The following TIMM13 variants were observed in gnomAD, a reference collection of about 807,000 sequenced individuals.
The protein encoded by TIMM13 is mitochondrial import inner membrane translocase subunit Tim13.
TIMM13 carries 8 observed loss-of-function variants against 10.9 expected under a neutral mutation model. That is an observed-to-expected ratio of 0.73 (90% confidence interval 0.43 to 1.32). TIMM13 has a LOEUF of 1.32. Ranked by LOEUF, TIMM13 falls within the 40% of genes most tolerant of loss-of-function variation. TIMM13 has a pLI of 0.01. For synonymous variants in TIMM13, 68 were observed against 52.5 expected (o/e 1.30, Z -1.28); for missense variants, 147 against 132.8 (o/e 1.11, Z -0.53).
rs576048468 is a variant in TIMM13, at chr19:2,425,752, C to T, written c.*1196G>A. 6.0e-6 allele frequency: 7 copies of T among 1,161,904 alleles called. No individual in the cohort carries two copies. The South Asian group carries it at 1.0e-4, about 17-fold the overall frequency. The allele number at this position is 1,161,904 out of a possible 1,614,324, so 72.0% of individuals were successfully genotyped here. A position where few individuals can be genotyped will look rare whatever the true frequency, so the allele number is the denominator to read the frequency against. ...GGGAGGCACCGTTCCACTCCGGGAC[C>T]ACGTGGCGGGTGTCCATAAATGTCT... On this transcript the variant is annotated 3_prime_UTR_variant, in exon 3 of 3. Transcript: ENST00000215570.
rs1226603254 is a variant in TIMM13 at position 2,425,821 on chromosome 19, G to A, written c.*1127C>T. 8 of 1,422,848 alleles carry A rather than the reference G, an allele frequency of 5.6e-6. No homozygotes were observed. In the African/African-American group the frequency reaches 7.3e-5, roughly 13 times the overall value. 88.1% of individuals were successfully genotyped at this position (1,422,848 alleles called of 1,614,324 possible). On this transcript the variant is annotated 3_prime_UTR_variant, in exon 3 of 3. Coordinates refer to ENST00000215570, the MANE Select transcript of TIMM13 (RefSeq NM_012458.4). Reference sequence around the variant, plus strand: ...CCATTTTCCAGATAGTGAAAATGCGGCTCCCAGGGGAAGTCACTAGGGTCA... The same window carrying A: ...CCATTTTCCAGATAGTGAAAATGCGACTCCCAGGGGAAGTCACTAGGGTCA...
chr19:2,425,854 A>AG lies in TIMM13; in HGVS notation c.*1093dup. On this transcript the variant is annotated 3_prime_UTR_variant, in exon 3 of 3. Transcript: ENST00000215570. Reference sequence around the variant, plus strand: ...GGGAAGTCACTAGGGTCACTCCTAGAGGGGCCAATGACCCAAGGGCTGCTG... The same window carrying AG: ...GGGAAGTCACTAGGGTCACTCCTAGAGGGGGCCAATGACCCAAGGGCTGCTG... 6.6e-7 allele frequency: 1 copy of AG among 1,504,698 alleles called. No individual in the cohort carries two copies. The highest frequency in any genetic ancestry group is 8.8e-7 in the Non-Finnish European group (1 of 1,132,422). The allele number at this position is 1,504,698 out of a possible 1,614,324, so 93.2% of individuals were successfully genotyped here.
intron 2 of TIMM13, 104 bp downstream of exon 2, chr19:2,427,152 T>G: frequency 6.4e-7 from 1 of 1,569,082 alleles, no homozygotes; most frequent in Non-Finnish European, 8.7e-7. Context: ...GCACGTGCAG[T>G]GACCACTCCG....
In TIMM13 at chr19:2,426,826, C is replaced by T. The variant is rs900568800; in HGVS notation, c.*122G>A. The T allele has an allele frequency of 6.2e-5, 60 of 962,574 alleles. No individual in the cohort carries two copies. The highest frequency in any genetic ancestry group is 8.5e-5 in the Non-Finnish European group (54 of 635,710). 59.6% of individuals were successfully genotyped at this position (962,574 alleles called of 1,614,324 possible). A position where few individuals can be genotyped will look rare whatever the true frequency, so the allele number is the denominator to read the frequency against. On this transcript the variant is annotated 3_prime_UTR_variant, in exon 3 of 3. Coordinates refer to ENST00000215570, the MANE Select transcript of TIMM13 (RefSeq NM_012458.4). Reference sequence around the variant, plus strand: ...GGCGGGGGGTGGCGAGGACACAGTCCCGTGTGTCCCAGCACCGGTGCCACC... The same window carrying T: ...GGCGGGGGGTGGCGAGGACACAGTCTCGTGTGTCCCAGCACCGGTGCCACC...
chr19:2,427,233 C>T (rs890519816), intron 2 of TIMM13, 23 bp downstream of exon 2: 2 of 1,611,792 alleles, frequency 1.2e-6, no homozygotes, highest in Non-Finnish European at 1.7e-6. Context: ...GCGACCCTTG[C>T]CCCGAACCTC....
Position 2,427,481 on chromosome 19 carries a change from T to C in TIMM13, c.53A>G (p.Asp18Gly). The C allele has an allele frequency of 6.2e-7, 1 of 1,612,386 alleles. No individual in the cohort carries two copies. Among genetic ancestry groups the C allele is most frequent in the Non-Finnish European group, 8.5e-7 (1 of 1,179,580 alleles). ...CACCTGCTCCATTATGAGCCCTGGGTCCAGCTTCCCGCTGCCGGAGCCCCC... is the reference window on the plus strand; with the variant it reads ...CACCTGCTCCATTATGAGCCCTGGGCCCAGCTTCCCGCTGCCGGAGCCCCC... Reference protein sequence around the residue: ...DFGGSGSGKLDPGLIMEQVKV... With the variant: ...DFGGSGSGKLGPGLIMEQVKV... The change falls in exon 1 of 3, where the codon GAC (aspartate) becomes GGC (glycine). Residue 18 changes from aspartate to glycine, a missense_variant. Transcript: ENST00000215570.
chr19:2,426,687 A>C lies in TIMM13; in HGVS notation c.*261T>G. Reference sequence around the variant, plus strand: ...CAGAATATGAGGCTGACTTGGGCACACTAGGGGAATACCCCAAAGGCCTGA... The same window carrying C: ...CAGAATATGAGGCTGACTTGGGCACCCTAGGGGAATACCCCAAAGGCCTGA... On this transcript the variant is annotated 3_prime_UTR_variant, in exon 3 of 3. Transcript: ENST00000215570. 5 of 577,332 alleles carry C rather than the reference A, an allele frequency of 8.7e-6. No individual in the cohort carries two copies. Among genetic ancestry groups the C allele is most frequent in the Non-Finnish European group, 1.2e-5 (4 of 321,992 alleles). The allele number at this position is 577,332 out of a possible 1,614,324, so 35.8% of individuals were successfully genotyped here.
rs781382231 is a variant in TIMM13 at position 2,426,121 on chromosome 19, G to C, written c.*827C>G. 8.6e-6 allele frequency: 13 copies of C among 1,513,458 alleles called. No homozygotes were observed. The highest frequency in any genetic ancestry group is 6.0e-5 in the South Asian group (5 of 83,122). The allele number at this position is 1,513,458 out of a possible 1,614,324, so 93.8% of individuals were successfully genotyped here. On this transcript the variant is annotated 3_prime_UTR_variant, in exon 3 of 3. Transcript: ENST00000215570. ...GTGACTGCCCAGGCCGAGACTCTAC[G>C]TGAAAGCAACAGGAGCAGCAGGCCA... is the stretch of plus-strand genomic sequence containing the variant.
rs754736748 is a variant in TIMM13 at position 2,425,934 on chromosome 19, C to T, written c.*1014G>A. The T allele has an allele frequency of 1.4e-5, 23 of 1,595,418 alleles. No homozygotes were observed. Among genetic ancestry groups the T allele is most frequent in the Admixed American group, 7.3e-5 (4 of 54,680 alleles). Reference sequence around the variant, plus strand: ...TTCTTCTCTCCCCAACAGGGTGACGCTGGGGGACCCCTGGCCTGCAGGGAG... The same window carrying T: ...TTCTTCTCTCCCCAACAGGGTGACGTTGGGGGACCCCTGGCCTGCAGGGAG... On this transcript the variant is annotated 3_prime_UTR_variant, in exon 3 of 3. Coordinates refer to ENST00000215570, the MANE Select transcript of TIMM13 (RefSeq NM_012458.4).
Position 2,426,615 on chromosome 19 carries a change from T to C in TIMM13, c.*333A>G. On this transcript the variant is annotated 3_prime_UTR_variant, in exon 3 of 3. Coordinates refer to ENST00000215570, the MANE Select transcript of TIMM13 (RefSeq NM_012458.4). ...CATCCGCAGGAGGTGACAGCTCCTG[T>C]GGTGTCTGACCACCCCCAACTCCGA... 2 of 448,686 alleles carry C rather than the reference T, an allele frequency of 4.5e-6. No homozygotes were observed. The highest frequency in any genetic ancestry group is 7.5e-5 in the Admixed American group (2 of 26,526). 27.8% of individuals were successfully genotyped at this position (448,686 alleles called of 1,614,324 possible). A position where few individuals can be genotyped will look rare whatever the true frequency, so the allele number is the denominator to read the frequency against.
At chr19:2,427,216 G>C in intron 2 of TIMM13, 40 bp downstream of exon 2, 5 of 1,607,672 alleles carry the variant, frequency 3.1e-6, no homozygotes, top group East Asian at 4.5e-5. Flanking sequence ...CTCGAATCTA[G>C]GCCCTCGCGA....
chr19:2,427,258 G>A lies in TIMM13; in HGVS notation c.187C>T (p.Gln63Ter). 1 of 1,613,218 alleles carries A rather than the reference G, an allele frequency of 6.2e-7. No homozygotes were observed. The highest frequency in any genetic ancestry group is 2.2e-5 in the East Asian group (1 of 44,864). Residue 63 changes from glutamine (Q) to a stop codon, truncating the protein, a stop_gained and splice_region_variant, in exon 2 of 3, where the codon CAG becomes TAG. Coordinates refer to ENST00000215570, the MANE Select transcript of TIMM13 (RefSeq NM_012458.4). LOFTEE classifies it high-confidence loss of function. ...CCCCGAACCTCCGCGGGTCTCACCT[G>A]CTCGGAGTTGTCCAGGGAGCCCCCA... ...KPGGSLDNSE[Q>*]KCIAMCMDRY...
chr19:2,426,682 G>A lies in TIMM13; in HGVS notation c.*266C>T, dbSNP rs144796810. The stretch of plus-strand genomic sequence containing the variant: ...CCGCCCAGAATATGAGGCTGACTTG[G>A]GCACACTAGGGGAATACCCCAAAGG... On this transcript the variant is annotated 3_prime_UTR_variant, in exon 3 of 3. Coordinates refer to ENST00000215570, the MANE Select transcript of TIMM13 (RefSeq NM_012458.4). The A allele has an allele frequency of 1.8e-6, 1 of 556,756 alleles. No individual in the cohort carries two copies. Among genetic ancestry groups the A allele is most frequent in the Non-Finnish European group, 3.2e-6 (1 of 310,808 alleles). 34.5% of individuals were successfully genotyped at this position (556,756 alleles called of 1,614,324 possible). A position where few individuals can be genotyped will look rare whatever the true frequency, so the allele number is the denominator to read the frequency against.
At position 2,425,853 on chromosome 19, in the gene TIMM13, G is replaced by C. The variant is rs530440476; in HGVS notation, c.*1095C>G. 2.7e-6 allele frequency: 4 copies of C among 1,504,312 alleles called. No individual in the cohort carries two copies. In the African/African-American group the frequency reaches 5.6e-5, roughly 21 times the overall value. The allele number at this position is 1,504,312 out of a possible 1,614,324, so 93.2% of individuals were successfully genotyped here. A position where few individuals can be genotyped will look rare whatever the true frequency, so the allele number is the denominator to read the frequency against. ...GGGGAAGTCACTAGGGTCACTCCTA[G>C]AGGGGCCAATGACCCAAGGGCTGCT... On this transcript the variant is annotated 3_prime_UTR_variant, in exon 3 of 3. Coordinates refer to ENST00000215570, the MANE Select transcript of TIMM13 (RefSeq NM_012458.4).
At position 2,425,626 on chromosome 19, in the gene TIMM13, CT is replaced by C; in HGVS notation, c.*1321del. On this transcript the variant is annotated 3_prime_UTR_variant, in exon 3 of 3. Transcript: ENST00000215570. ...TTCTCCAGCGGATCAAGCAGGGAGCCTTTTTGGCTCTGGAGGAATTTCCACT... is the reference window on the plus strand; with the variant it reads ...TTCTCCAGCGGATCAAGCAGGGAGCCTTTTGGCTCTGGAGGAATTTCCACT... 4.4e-6 allele frequency: 6 copies of C among 1,372,650 alleles called. No homozygotes were observed. The highest frequency in any genetic ancestry group is 4.7e-6 in the Non-Finnish European group (5 of 1,063,848). The allele number at this position is 1,372,650 out of a possible 1,614,324, so 85.0% of individuals were successfully genotyped here.
In TIMM13 at chr19:2,426,054, T is replaced by A; in HGVS notation, c.*894A>T. 6.2e-7 allele frequency: 1 copy of A among 1,609,380 alleles called. No homozygotes were observed. Among genetic ancestry groups the A allele is most frequent in the Non-Finnish European group, 8.5e-7 (1 of 1,178,372 alleles). ...GGTGTCTATACCCGGGTGGCAGCTG[T>A]GAGAGGCTGGATAGGACAGCACATC... On this transcript the variant is annotated 3_prime_UTR_variant, in exon 3 of 3. Coordinates refer to ENST00000215570, the MANE Select transcript of TIMM13 (RefSeq NM_012458.4).
In TIMM13 at chr19:2,426,925, G is replaced by A. The variant is rs1202618797; in HGVS notation, c.*23C>T. The A allele has an allele frequency of 3.8e-6, 6 of 1,562,844 alleles. No individual in the cohort carries two copies. Among genetic ancestry groups the A allele is most frequent in the Non-Finnish European group, 5.2e-6 (6 of 1,153,938 alleles). ...AAGCACGTTTATGGAAATGAACAGG[G>A]TGGGGTGGCCCGCGCTCGCCGGTCA... On this transcript the variant is annotated 3_prime_UTR_variant, in exon 3 of 3. Transcript: ENST00000215570.
At position 2,425,786 on chromosome 19, in the gene TIMM13, T is replaced by C. The variant is rs541162706; in HGVS notation, c.*1162A>G. 11 of 1,303,348 alleles carry C rather than the reference T, an allele frequency of 8.4e-6. No individual in the cohort carries two copies. The African/African-American group carries it at 1.7e-4, about 20-fold the overall frequency. 80.7% of individuals were successfully genotyped at this position (1,303,348 alleles called of 1,614,324 possible). A position where few individuals can be genotyped will look rare whatever the true frequency, so the allele number is the denominator to read the frequency against. ...GGTGTCCATAAATGTCTGCCACCTT[T>C]GCATTGAGCCCATTTTCCAGATAGT... On this transcript the variant is annotated 3_prime_UTR_variant, in exon 3 of 3. Transcript: ENST00000215570.
chr19:2,425,862 A>G lies in TIMM13; in HGVS notation c.*1086T>C, dbSNP rs866997707. ...ACTAGGGTCACTCCTAGAGGGGCCA[A>G]TGACCCAAGGGCTGCTGTAGGGGAG... is the stretch of plus-strand genomic sequence containing the variant. On this transcript the variant is annotated 3_prime_UTR_variant, in exon 3 of 3. Transcript: ENST00000215570. The G allele has an allele frequency of 2.0e-6, 3 of 1,512,756 alleles. No individual in the cohort carries two copies. Among genetic ancestry groups the G allele is most frequent in the African/African-American group, 2.8e-5 (2 of 70,938 alleles). 93.7% of individuals were successfully genotyped at this position (1,512,756 alleles called of 1,614,324 possible). A position where few individuals can be genotyped will look rare whatever the true frequency, so the allele number is the denominator to read the frequency against.
Sources: allele counts gnomAD v4.1 joint callset, GRCh38; gene constraint gnomAD v4.1.1; transcripts MANE v1.5; gene names NCBI Gene and HGNC (gene_info 2026-07-23, HGNC 2026-07-21).